ADARB2: variants seen among roughly 807,000 people sequenced by gnomAD.
The protein encoded by ADARB2 is inactive double-stranded RNA-specific editase B2.
A neutral mutation model predicts 62.2 loss-of-function variants in ADARB2; 25 were observed. The observed-to-expected ratio is 0.40, with a 90% CI of 0.29 to 0.56. ADARB2 has a LOEUF of 0.56. Ranked by LOEUF, ADARB2 falls within the 20% of genes least tolerant of loss-of-function variation. The probability of loss-of-function intolerance (pLI) is 0.43; values close to 1 mark genes in which losing one functional copy is unlikely to be tolerated. For missense variants in ADARB2, 1,071 were observed against 1,077.4 expected (o/e 0.99, Z 0.08); for synonymous variants, 572 against 500.8 (o/e 1.14, Z -1.90).
chr10:1,527,773 C>T (rs1337493254), intron 1 of ADARB2, among the ~76,000 whole-genome samples: 1 of 152,148 alleles, frequency 6.6e-6, no homozygotes, highest in Non-Finnish European at 1.5e-5. Context: ...GAGAGCCGTC[C>T]AGCGTGAGAT....
intron 1 of ADARB2, among the ~76,000 whole-genome samples, chr10:1,464,138 C>T (rs551025957): frequency 6.6e-6 from 1 of 151,252 alleles, no homozygotes; most frequent in South Asian, 2.1e-4. Context: ...TGGACACACA[C>T]TCCCCCACAC....
intron 4 of ADARB2, among the ~76,000 whole-genome samples, chr10:1,245,843 G>A (rs898827395): frequency 2.0e-5 from 3 of 151,596 alleles, no homozygotes; most frequent in African/African-American, 4.9e-5. Context: ...AATCCCTTGG[G>A]TATATACCCA....
At chr10:1,220,237 GTGA>G (rs1830679275) in intron 6 of ADARB2, among the ~76,000 whole-genome samples, 5 of 146,542 alleles carry the variant, frequency 3.4e-5, no homozygotes, top group Admixed American at 2.7e-4. Context: ...GATGATGGTG[GTGA>G]TAATGGTGGT....
intron 1 of ADARB2, among the ~76,000 whole-genome samples, chr10:1,507,682 C>T (rs993275248): frequency 9.9e-5 from 15 of 152,160 alleles, no homozygotes; most frequent in Non-Finnish European, 1.9e-4. Flanking sequence ...TCTTCCAGGA[C>T]TCGATGGAGG....
intron 1 of ADARB2, among the ~76,000 whole-genome samples, chr10:1,385,453 A>G (rs953673675): frequency 3.9e-5 from 5 of 126,980 alleles, no homozygotes; most frequent in African/African-American, 1.3e-4. Context: ...AACTATATAA[A>G]TAAAACAAAA....
intron 3 of ADARB2, among the ~76,000 whole-genome samples, chr10:1,308,594 GTGCACCATTT>G (rs1470292538): frequency 1.3e-5 from 2 of 152,180 alleles, no homozygotes; most frequent in Non-Finnish European, 2.9e-5. Flanking sequence ...TCCACAGTGG[GTGCACCATTT>G]TGCACTCCCA....
At chr10:1,470,023 T>C (rs1251957903) in intron 1 of ADARB2, among the ~76,000 whole-genome samples, 12 of 151,580 alleles carry the variant, frequency 7.9e-5, no homozygotes, top group Admixed American at 7.9e-4. Flanking sequence ...CTGGACTTTG[T>C]CAAGGGAACA....
At chr10:1,507,900 G>A (rs76384854) in intron 1 of ADARB2, among the ~76,000 whole-genome samples, 25,149 of 152,158 alleles carry the variant, frequency 0.17, 2,315 homozygotes, top group East Asian at 0.25. Context: ...GGTGGGACAG[G>A]CAGCGATGGC....
At chr10:1,618,497 A>C (rs1833668857) in intron 1 of ADARB2, among the ~76,000 whole-genome samples, 1 of 152,090 alleles carries the variant, frequency 6.6e-6, no homozygotes, top group African/African-American at 2.4e-5. Flanking sequence ...AGTAATTTTT[A>C]CTTTCAACAA....
intron 1 of ADARB2, among the ~76,000 whole-genome samples, chr10:1,572,738 C>A (rs1251612975): frequency 6.6e-6 from 1 of 152,184 alleles, no homozygotes; most frequent in Non-Finnish European, 1.5e-5. Flanking sequence ...GAGGAGGTCA[C>A]TGAGTGGGAG....
chr10:1,318,912 C>G (rs1831769962), intron 3 of ADARB2, among the ~76,000 whole-genome samples: 1 of 152,164 alleles, frequency 6.6e-6, no homozygotes, highest in Non-Finnish European at 1.5e-5. Context: ...GAAAATGACC[C>G]AGGGTAGATG....
At chr10:1,409,358 G>A (rs1832735732) in intron 1 of ADARB2, among the ~76,000 whole-genome samples, 1 of 152,232 alleles carries the variant, frequency 6.6e-6, no homozygotes, top group Non-Finnish European at 1.5e-5. Flanking sequence ...CTTTTCAGAT[G>A]TTTCATCTCT....
At chr10:1,454,194 C>T (rs1456970077) in intron 1 of ADARB2, among the ~76,000 whole-genome samples, 5 of 152,086 alleles carry the variant, frequency 3.3e-5, no homozygotes, top group Non-Finnish European at 7.4e-5. Flanking sequence ...CATCAGATCT[C>T]GTGAGATATT....
chr10:1,461,813 A>G (rs1421274004), intron 1 of ADARB2, among the ~76,000 whole-genome samples: 1 of 152,144 alleles, frequency 6.6e-6, no homozygotes, highest in Non-Finnish European at 1.5e-5. Flanking sequence ...CATCCTGGCC[A>G]ACATGGTGAA....
chr10:1,379,728 G>C (rs1334534191), intron 1 of ADARB2, among the ~76,000 whole-genome samples: 1 of 152,162 alleles, frequency 6.6e-6, no homozygotes, highest in Non-Finnish European at 1.5e-5. Context: ...TCCCGGAAAC[G>C]GCCAAGCGTC....
intron 3 of ADARB2, among the ~76,000 whole-genome samples, chr10:1,359,687 G>T (rs1468342798): frequency 1.3e-5 from 2 of 152,152 alleles, no homozygotes; most frequent in African/African-American, 4.8e-5. Flanking sequence ...TGCTTCCTGC[G>T]AGCTGTCCCG....
chr10:1,391,296 G>C (rs886398827), intron 1 of ADARB2, among the ~76,000 whole-genome samples: 1 of 152,220 alleles, frequency 6.6e-6, no homozygotes, highest in Admixed American at 6.5e-5. Context: ...GCCTATGAGG[G>C]ACTGGGGGAG....
chr10:1,464,132 C>G (rs537166150), intron 1 of ADARB2, among the ~76,000 whole-genome samples: 1 of 149,802 alleles, frequency 6.7e-6, no homozygotes, highest in Non-Finnish European at 1.5e-5. Flanking sequence ...AGAGGGTGGA[C>G]ACACACTCCC....
intron 7 of ADARB2, among the ~76,000 whole-genome samples, chr10:1,209,998 CTAT>C (rs1409273146): frequency 6.6e-6 from 1 of 152,038 alleles, no homozygotes; most frequent in African/African-American, 2.4e-5. Flanking sequence ...GAAGTGAAAT[CTAT>C]TATTATTCAT....
Sources: gnomAD v4.1 joint callset for allele counts (sites outside exome capture counted in the v4.1 genomes callset) on GRCh38, gnomAD v4.1.1 for gene constraint, MANE v1.5 for transcripts, NCBI Gene and HGNC (gene_info 2026-07-23, HGNC 2026-07-21) for gene names.